Variants in PEX11G observed in about 807,000 individuals in gnomAD.
PEX11G encodes peroxisomal membrane protein 11C.
In PEX11G, 20 loss-of-function variants were observed where a neutral mutation model predicts 22.5. That is an observed-to-expected ratio of 0.89 (90% CI 0.62 to 1.29). PEX11G has a LOEUF of 1.29. Among genes scored for constraint, PEX11G ranks in the 50% most tolerant of loss-of-function variants. The pLI, the probability that PEX11G is intolerant of heterozygous loss-of-function variation, is 0.00. For missense variants in PEX11G, 347 were observed against 331.3 expected, an observed-to-expected ratio of 1.05 and a Z score of -0.37; for synonymous variants, 141 against 154.5, an observed-to-expected ratio of 0.91 and a Z score of 0.65.
At chr19:7,487,496 C>G (rs1012963345) in intron 1 of PEX11G, among the ~76,000 whole-genome samples, 4 of 152,154 alleles carry the variant, frequency 2.6e-5, no homozygotes, top group African/African-American at 9.7e-5. Context: ...GGTGTGAGCT[C>G]ACTGCAACCT....
upstream of PEX11G, chr19:7,489,160 G>T: frequency 8.6e-7 from 1 of 1,156,346 alleles, no homozygotes; most frequent in Non-Finnish European, 1.1e-6. Context: ...GTAGGGGAGG[G>T]ACAGAGTTTG....
At chr19:7,481,912 C>T in intron 3 of PEX11G, 121 bp downstream of exon 3, 1 of 1,003,360 alleles carries the variant, frequency 1.0e-6, no homozygotes, top group Non-Finnish European at 1.4e-6. Flanking sequence ...CCAAGGAAAA[C>T]TCTAAGAGGC....
chr19:7,491,970 G>T (rs2145986122), upstream of PEX11G, among the ~76,000 whole-genome samples: 1 of 152,282 alleles, frequency 6.6e-6, no homozygotes, highest in South Asian at 2.1e-4. Context: ...GCATAATGGT[G>T]TTGAGGTTTG....
In PEX11G at chr19:7,485,930, ACAC is replaced by A; in HGVS notation, c.154_156del (p.Val52del). 1.2e-6 allele frequency: 2 copies of A among 1,613,696 alleles called. No homozygotes were observed. The highest frequency in any genetic ancestry group is 2.2e-5 in the South Asian group (2 of 91,060). On this transcript the variant is annotated inframe_deletion, in exon 2 of 5. Coordinates refer to ENST00000221480, the MANE Select transcript of PEX11G (RefSeq NM_080662.4). Reference sequence around the variant, plus strand: ...GTCCTGCAGTGGCTGAGTTGGGTGGACACCACCAACAGACGTGTCCCCACTTCG... The same window carrying A: ...GTCCTGCAGTGGCTGAGTTGGGTGGACACCAACAGACGTGTCCCCACTTCG...
At chr19:7,485,647 A>G (rs1012030915) in intron 2 of PEX11G, among the ~76,000 whole-genome samples, 191 bp downstream of exon 2, 1 of 151,598 alleles carries the variant, frequency 6.6e-6, no homozygotes, top group African/African-American at 2.4e-5. Context: ...GAGCCACTGC[A>G]CCCAGCCGAG....
upstream of PEX11G, among the ~76,000 whole-genome samples, chr19:7,493,233 C>T (rs1218246467): frequency 2.0e-5 from 3 of 151,912 alleles, no homozygotes; most frequent in Non-Finnish European, 4.4e-5. Context: ...CACTCGGTTG[C>T]CCAGGCTGGA....
At chr19:7,477,976 G>A (rs1013783041) in intron 4 of PEX11G, among the ~76,000 whole-genome samples, 2 of 152,202 alleles carry the variant, frequency 1.3e-5, no homozygotes, top group African/African-American at 2.4e-5. Context: ...GAGCCAAGAT[G>A]GCACCACTGT....
intron 2 of PEX11G, 129 bp from the exon 3 acceptor site, chr19:7,482,340 G>C (rs1450803482): frequency 1.1e-5 from 12 of 1,091,940 alleles, no homozygotes; most frequent in African/African-American, 1.6e-5. Context: ...AGGCCTGGCA[G>C]GCCCCGCGGG....
At chr19:7,492,266 G>A (rs1191530432), upstream of PEX11G, among the ~76,000 whole-genome samples, 1 of 152,090 alleles carries the variant, frequency 6.6e-6, no homozygotes, top group African/African-American at 2.4e-5. Context: ...TCCCACAGTA[G>A]CAGTACCATT....
intron 2 of PEX11G, among the ~76,000 whole-genome samples, chr19:7,485,402 C>A (rs2021595780): frequency 6.6e-6 from 1 of 151,926 alleles, no homozygotes; most frequent in African/African-American, 2.4e-5. Flanking sequence ...GTCGTCCAGG[C>A]TGGAGTGCAG....
At chr19:7,494,170 G>A (rs2021937653) in intron 1 of PEX11G, among the ~76,000 whole-genome samples, 1 of 152,142 alleles carries the variant, frequency 6.6e-6, no homozygotes, top group Non-Finnish European at 1.5e-5. Flanking sequence ...GCCTCCTAAA[G>A]TGCTGGGATT....
Position 7,481,964 on chromosome 19 carries a change from C to T in PEX11G, c.428+69G>A, listed in dbSNP as rs114520504. 8.5e-3 allele frequency: 12,110 copies of T among 1,422,506 alleles called. 157 individuals carry two copies. Among genetic ancestry groups the T allele is most frequent in the African/African-American group, 0.047 (3,235 of 69,438 alleles). The allele number at this position is 1,422,506 out of a possible 1,614,324, so 88.1% of individuals were successfully genotyped here. A position where few individuals can be genotyped will look rare whatever the true frequency, so the allele number is the denominator to read the frequency against. On this transcript the variant is annotated intron_variant, in intron 3 of 4. Transcript: ENST00000221480. ...CTGAAGCCTGTGCTGTTGCTGGGGCCGCTGCCACTTTGCTAAGGAGGCACC... is the reference window on the plus strand; with the variant it reads ...CTGAAGCCTGTGCTGTTGCTGGGGCTGCTGCCACTTTGCTAAGGAGGCACC...
chr19:7,477,521 A>G, intron 4 of PEX11G, 85 bp from the exon 5 acceptor site: 1 of 1,142,450 alleles, frequency 8.8e-7, no homozygotes, highest in Non-Finnish European at 1.2e-6. Flanking sequence ...GTGGCCTGGC[A>G]GCCCTGAGCC....
chr19:7,478,581 G>A (rs376284371), intron 3 of PEX11G, among the ~76,000 whole-genome samples: 17 of 152,182 alleles, frequency 1.1e-4, no homozygotes, highest in African/African-American at 3.9e-4. Flanking sequence ...CGTCCCACCC[G>A]GGACATCGTC....
upstream of PEX11G, among the ~76,000 whole-genome samples, chr19:7,493,536 G>A (rs1263346716): frequency 2.8e-5 from 4 of 143,382 alleles, no homozygotes; most frequent in African/African-American, 2.6e-5. Context: ...ACAGGGTCTC[G>A]CTCTGTTGCC....
rs187209620 is a variant in PEX11G at position 7,477,702 on chromosome 19, C to T, written c.492-266G>A. ...TCCTGAACACCCAGAGATGGGGATTCCTTGTGAAAAACAGAAAGCACAAAT... is the reference window on the plus strand; with the variant it reads ...TCCTGAACACCCAGAGATGGGGATTTCTTGTGAAAAACAGAAAGCACAAAT... On this transcript the variant is annotated intron_variant, in intron 4 of 4. Transcript: ENST00000221480. Among the ~76,000 whole-genome samples the T allele has an allele frequency of 2.0e-3, 302 of 152,302 alleles. 2 individuals are homozygous for T. The highest frequency in any genetic ancestry group is 4.3e-3 in the Admixed American group (66 of 15,302).
At chr19:7,486,050 G>A (rs2021639018) in intron 1 of PEX11G, 24 bp from the exon 2 acceptor site, 1 of 1,566,000 alleles carries the variant, frequency 6.4e-7, no homozygotes, top group African/African-American at 1.3e-5. Context: ...GAAGCAGTCA[G>A]TGTGGCCCTC....
At chr19:7,478,411 C>T (rs2303145) in intron 3 of PEX11G, 35 bp from the exon 4 acceptor site, 276,007 of 1,587,694 alleles carry the variant, frequency 0.17, 25,431 homozygotes, top group Non-Finnish European at 0.19. Context: ...GATGCCCCGG[C>T]GGGGAGCAGG....
upstream of PEX11G, chr19:7,489,550 A>G (rs2021828444): frequency 1.1e-6 from 1 of 947,042 alleles, no homozygotes; most frequent in Non-Finnish European, 1.3e-6. Context: ...TGCACAATTC[A>G]GTGACATTAG....
Sources: allele counts gnomAD v4.1 joint callset (sites outside exome capture counted in the v4.1 genomes callset), GRCh38; gene constraint gnomAD v4.1.1; transcripts MANE v1.5; gene names NCBI Gene and HGNC (gene_info 2026-07-23, HGNC 2026-07-21).